The following FHIT variants were observed in gnomAD, a reference collection of about 807,000 sequenced individuals.
The protein encoded by FHIT is fragile histidine triad diadenosine triphosphatase.
A neutral mutation model predicts 17.9 loss-of-function variants in FHIT; 19 were observed. The ratio of observed to expected loss-of-function variants is 1.06; its 90% CI spans 0.74 to 1.56. The LOEUF (loss-of-function observed/expected upper bound fraction) is 1.56. FHIT is among the 40% of genes most tolerant of loss of function. The pLI is 0.00. For missense variants in FHIT, 248 were observed against 189.2 expected, an observed-to-expected ratio of 1.31 and a Z score of -1.82; for synonymous variants, 81 against 69.7, an observed-to-expected ratio of 1.16 and a Z score of -0.81.
At chr3:60,235,340 T>G (rs559059347) in intron 5 of FHIT, among the ~76,000 whole-genome samples, 76 of 151,840 alleles carry the variant, frequency 5.0e-4, no homozygotes, top group African/African-American at 1.8e-3. Flanking sequence ...AAATGATTCT[T>G]CTGCCTCAAC....
Position 61,074,542 on chromosome 3 carries a change from G to C in FHIT, c.-163-32443C>G, listed in dbSNP as rs141076325. Among the ~76,000 whole-genome samples, 324 of 152,200 alleles carry C rather than the reference G, an allele frequency of 2.1e-3. 5 individuals carry two copies. The highest frequency in any genetic ancestry group is 7.6e-3 in the African/African-American group (315 of 41,536). ...AGAGATTTCACAGAAAATGCTGGAAGCTCTGACCCTACCGGCACCACACTC... is the reference window on the plus strand; with the variant it reads ...AGAGATTTCACAGAAAATGCTGGAACCTCTGACCCTACCGGCACCACACTC... On this transcript the variant is annotated intron_variant, in intron 2 of 9. Coordinates refer to ENST00000492590, the MANE Select transcript of FHIT (RefSeq NM_002012.4).
At chr3:61,031,791 A>G (rs1258546620) in intron 3 of FHIT, among the ~76,000 whole-genome samples, 2 of 152,184 alleles carry the variant, frequency 1.3e-5, no homozygotes, top group African/African-American at 4.8e-5. Context: ...GTTATACTGA[A>G]CAGGCAACCC....
chr3:60,860,988 T>C lies in FHIT; in HGVS notation c.-110-38977A>G, dbSNP rs191422257. Among the ~76,000 whole-genome samples the C allele has an allele frequency of 9.4e-3, 969 of 102,724 alleles. 150 individuals carry two copies. The highest frequency in any genetic ancestry group is 0.031 in the African/African-American group (887 of 29,042). The allele number at this position is 102,724 out of a possible 152,430, so 67.4% of individuals were successfully genotyped here. On this transcript the variant is annotated intron_variant, in intron 3 of 9. Transcript: ENST00000492590. Reference sequence around the variant, plus strand: ...ATATATCATGTATATATGATACATATATACGTATATATCCATATATATGAT... The same window carrying C: ...ATATATCATGTATATATGATACATACATACGTATATATCCATATATATGAT...
intron 3 of FHIT, among the ~76,000 whole-genome samples, chr3:61,026,984 ATTATT>A (rs749729276): frequency 1.3e-5 from 2 of 152,278 alleles, no homozygotes; most frequent in Middle Eastern, 3.4e-3. Context: ...AAACACAGAC[ATTATT>A]TTAAATTATT....
At chr3:60,808,792 C>T (rs1428296985) in intron 4 of FHIT, among the ~76,000 whole-genome samples, 1 of 152,182 alleles carries the variant, frequency 6.6e-6, no homozygotes, top group Non-Finnish European at 1.5e-5. Flanking sequence ...GTTCTCCCCC[C>T]TGATTTCTTA....
intron 4 of FHIT, among the ~76,000 whole-genome samples, chr3:60,685,597 C>A (rs2040844807): frequency 6.6e-6 from 1 of 152,268 alleles, no homozygotes; most frequent in Non-Finnish European, 1.5e-5. Context: ...TGCAAAGTTC[C>A]ATTCTGCACA....
chr3:60,171,951 CT>C (rs758041321), intron 5 of FHIT, among the ~76,000 whole-genome samples: 57 of 152,248 alleles, frequency 3.7e-4, no homozygotes, highest in African/African-American at 1.3e-3. Context: ...CTCTTGACCC[CT>C]CAGATCATTA....
At chr3:59,909,013 A>G (rs1704732918) in intron 8 of FHIT, among the ~76,000 whole-genome samples, 2 of 151,724 alleles carry the variant, frequency 1.3e-5, no homozygotes, top group South Asian at 4.2e-4. Flanking sequence ...ACAACTGGCT[A>G]GTTTATTTTT....
At chr3:60,006,205 A>T (rs1463344615) in intron 7 of FHIT, among the ~76,000 whole-genome samples, 1 of 152,194 alleles carries the variant, frequency 6.6e-6, no homozygotes, top group African/African-American at 2.4e-5. Context: ...ATTTTCCCCA[A>T]TTAAGAAGGC....
chr3:60,007,026 T>C (rs1483581316), intron 7 of FHIT, among the ~76,000 whole-genome samples: 1 of 152,190 alleles, frequency 6.6e-6, no homozygotes, highest in Non-Finnish European at 1.5e-5. Context: ...GTTAATACTA[T>C]AAAATTAAAT....
chr3:61,222,753 T>C (rs1369628641), intron 1 of FHIT, among the ~76,000 whole-genome samples: 5 of 152,102 alleles, frequency 3.3e-5, no homozygotes, highest in Non-Finnish European at 5.9e-5. Context: ...AACTCTGAAA[T>C]GAGCTGTGAA....
intron 5 of FHIT, among the ~76,000 whole-genome samples, chr3:60,444,147 C>T (rs1255405681): frequency 1.3e-5 from 2 of 152,072 alleles, no homozygotes; most frequent in East Asian, 1.9e-4. Flanking sequence ...CAGTGAGATA[C>T]CATCTCACAC....
At chr3:60,799,813 T>C (rs1235480038) in intron 4 of FHIT, among the ~76,000 whole-genome samples, 1 of 152,222 alleles carries the variant, frequency 6.6e-6, no homozygotes, top group Admixed American at 6.5e-5. Flanking sequence ...TTCACAGCCA[T>C]AGGAAGAAAA....
intron 3 of FHIT, among the ~76,000 whole-genome samples, chr3:60,932,589 A>G (rs1432309130): frequency 6.6e-6 from 1 of 152,164 alleles, no homozygotes; most frequent in African/African-American, 2.4e-5. Flanking sequence ...AGCTTTGACT[A>G]TAATTTCTGT....
intron 7 of FHIT, among the ~76,000 whole-genome samples, chr3:59,941,980 A>T (rs559752245): frequency 3.5e-4 from 53 of 152,264 alleles, no homozygotes; most frequent in African/African-American, 1.2e-3. Flanking sequence ...CTTTTCCCTC[A>T]AGTGCCTTCC....
At chr3:60,747,106 T>A (rs1459836057) in intron 4 of FHIT, among the ~76,000 whole-genome samples, 5 of 151,774 alleles carry the variant, frequency 3.3e-5, no homozygotes, top group African/African-American at 1.2e-4. Flanking sequence ...AGATCACAGT[T>A]CTGTGGTTCT....
At chr3:60,093,835 A>G (rs555617863) in intron 5 of FHIT, among the ~76,000 whole-genome samples, 2 of 152,222 alleles carry the variant, frequency 1.3e-5, no homozygotes, top group Non-Finnish European at 2.9e-5. Flanking sequence ...ATTGTCTTCC[A>G]TGAAACAAGG....
intron 4 of FHIT, among the ~76,000 whole-genome samples, chr3:60,589,736 C>T (rs2038021006): frequency 6.6e-6 from 1 of 152,066 alleles, no homozygotes; most frequent in South Asian, 2.1e-4. Flanking sequence ...GTATATGATA[C>T]TACTTGTTTC....
intron 7 of FHIT, among the ~76,000 whole-genome samples, chr3:59,993,071 A>C (rs1288608452): frequency 6.6e-6 from 1 of 152,086 alleles, no homozygotes; most frequent in Non-Finnish European, 1.5e-5. Context: ...TATTTCACTT[A>C]GGCCATCTCC....
Sources: allele counts gnomAD v4.1 joint callset (sites outside exome capture counted in the v4.1 genomes callset), GRCh38; gene constraint gnomAD v4.1.1; transcripts MANE v1.5; gene names NCBI Gene and HGNC (gene_info 2026-07-23, HGNC 2026-07-21).